The following RBFOX1 variants were observed in gnomAD, a reference collection of about 807,000 sequenced individuals.
The protein encoded by RBFOX1 is RNA binding fox-1 homolog 1.
In RBFOX1, 8 loss-of-function variants were observed where a neutral mutation model predicts 57.7. That is an observed-to-expected ratio of 0.14 (90% confidence interval 0.08 to 0.25). The LOEUF is 0.25. Among genes scored for constraint, RBFOX1 ranks in the 10% least tolerant of loss-of-function variants. The pLI, the probability that RBFOX1 is intolerant of heterozygous loss-of-function variation, is 1.00. For missense variants in RBFOX1, 611 were observed against 548.5 expected, an observed-to-expected ratio of 1.11 and a Z score of -1.14; for synonymous variants, 326 against 222.4, an observed-to-expected ratio of 1.47 and a Z score of -4.15.
chr16:7,590,449 G>C (rs980161187), intron 7 of RBFOX1, among the ~76,000 whole-genome samples: 1 of 152,060 alleles, frequency 6.6e-6, no homozygotes, highest in African/African-American at 2.4e-5. Context: ...GCATTTAGGG[G>C]CGAATGATCC....
At chr16:6,007,041 C>T (rs766156972) in intron 4 of RBFOX1, among the ~76,000 whole-genome samples, 28 of 152,134 alleles carry the variant, frequency 1.8e-4, no homozygotes, top group Non-Finnish European at 3.4e-4. Flanking sequence ...TCTTCCGTAT[C>T]TCTGCCATCC....
intron 3 of RBFOX1, among the ~76,000 whole-genome samples, chr16:5,735,235 C>A (rs1237993916): frequency 1.3e-5 from 2 of 152,138 alleles, no homozygotes; most frequent in Non-Finnish European, 2.9e-5. Context: ...GGGTCAGGAC[C>A]CTCCATGGGC....
chr16:6,597,112 G>A (rs530182277), intron 2 of RBFOX1, among the ~76,000 whole-genome samples: 15 of 152,192 alleles, frequency 9.9e-5, no homozygotes, highest in Non-Finnish European at 1.8e-4. Flanking sequence ...TCTTTTTCTG[G>A]AGAAATTACA....
chr16:5,793,178 A>G (rs1055784451), intron 3 of RBFOX1, among the ~76,000 whole-genome samples: 4 of 152,086 alleles, frequency 2.6e-5, no homozygotes, highest in Non-Finnish European at 5.9e-5. Flanking sequence ...CTAAACTTGC[A>G]CTTCAGCCTC....
intron 3 of RBFOX1, among the ~76,000 whole-genome samples, chr16:5,825,563 A>C (rs912637697): frequency 2.1e-4 from 32 of 152,298 alleles, no homozygotes; most frequent in African/African-American, 7.2e-4. Context: ...TTTATGGTAA[A>C]AACCATGTAA....
chr16:7,379,714 A>ATTCC (rs890243296), intron 4 of RBFOX1, among the ~76,000 whole-genome samples: 1 of 146,634 alleles, frequency 6.8e-6, no homozygotes, highest in African/African-American at 2.5e-5. Flanking sequence ...AACTACAGGA[A>ATTCC]TTCCTTCCTT....
intron 3 of RBFOX1, among the ~76,000 whole-genome samples, chr16:5,644,924 G>A (rs1041059666): frequency 8.6e-5 from 13 of 152,004 alleles, no homozygotes; most frequent in Admixed American, 5.9e-4. Context: ...TGAAACGCTC[G>A]CACATGCCAT....
chr16:5,929,999 G>C (rs1239488496), intron 4 of RBFOX1, among the ~76,000 whole-genome samples: 1 of 151,898 alleles, frequency 6.6e-6, no homozygotes, highest in Non-Finnish European at 1.5e-5. Flanking sequence ...CTACGAAGCA[G>C]GTGTGAGTGA....
At position 7,590,670 on chromosome 16, in the gene RBFOX1, A is replaced by T. The variant is rs527776137; in HGVS notation, c.468+3370A>T. On this transcript the variant is annotated intron_variant, in intron 7 of 15. Coordinates refer to ENST00000550418, the MANE Select transcript of RBFOX1 (RefSeq NM_018723.4). ...AGGTCAGGAGTTCGAGACCAGCCTGACCAACATGGAGAAACCTTGTCTTGA... is the reference window on the plus strand; with the variant it reads ...AGGTCAGGAGTTCGAGACCAGCCTGTCCAACATGGAGAAACCTTGTCTTGA... Among the ~76,000 whole-genome samples the T allele has an allele frequency of 1.3e-4, 19 of 151,844 alleles. 1 individual carries two copies. In the South Asian group the frequency reaches 2.3e-3, roughly 18 times the overall value.
intron 14 of RBFOX1, among the ~76,000 whole-genome samples, chr16:7,708,468 A>G (rs2083219813): frequency 6.6e-6 from 1 of 151,264 alleles, no homozygotes; most frequent in South Asian, 2.1e-4. Context: ...AAGTTCTGGA[A>G]TAATAGGATC....
chr16:5,392,816 G>A lies in RBFOX1; in HGVS notation c.220-74400G>A, dbSNP rs534128747. Among the ~76,000 whole-genome samples, 6 of 152,274 alleles carry A rather than the reference G, an allele frequency of 3.9e-5. No homozygotes were observed. In the East Asian group the frequency reaches 1.2e-3, roughly 29 times the overall value. On this transcript the variant is annotated intron_variant, in intron 1 of 2. Coordinates refer to the RBFOX1 transcript ENST00000585867. The stretch of plus-strand genomic sequence containing the variant: ...ACACTCGCCCCTGACCCTGTGGGCA[G>A]CAGGAGCACCTCAGGGACCACACAG...
intron 4 of RBFOX1, among the ~76,000 whole-genome samples, chr16:5,985,992 A>G (rs947627142): frequency 2.6e-5 from 4 of 151,920 alleles, no homozygotes; most frequent in Admixed American, 1.3e-4. Context: ...CATTTATTTT[A>G]TAGAAACAAT....
intron 1 of RBFOX1, among the ~76,000 whole-genome samples, chr16:5,313,056 G>T (rs567239319): frequency 6.6e-6 from 1 of 152,106 alleles, no homozygotes; most frequent in African/African-American, 2.4e-5. Flanking sequence ...TTTGTGCCAT[G>T]TGCTGTCCTG....
chr16:5,553,388 T>A (rs2151088046), intron 2 of RBFOX1, among the ~76,000 whole-genome samples: 1 of 151,734 alleles, frequency 6.6e-6, no homozygotes, highest in Admixed American at 6.6e-5. Context: ...CAATCTCAGC[T>A]CACTGCACAC....
chr16:6,569,238 G>C (rs2097310298), intron 2 of RBFOX1, among the ~76,000 whole-genome samples: 1 of 152,070 alleles, frequency 6.6e-6, no homozygotes, highest in Non-Finnish European at 1.5e-5. Flanking sequence ...TACTGTGTAA[G>C]AAATTACTCC....
chr16:7,257,984 G>A (rs558915256), intron 4 of RBFOX1, among the ~76,000 whole-genome samples: 1 of 152,166 alleles, frequency 6.6e-6, no homozygotes, highest in Admixed American at 6.5e-5. Context: ...AAGGAATTCT[G>A]TATCGACACA....
intron 2 of RBFOX1, among the ~76,000 whole-genome samples, chr16:6,563,775 G>A (rs747691598): frequency 5.3e-5 from 8 of 151,982 alleles, no homozygotes; most frequent in South Asian, 2.1e-4. Context: ...GCAGTGAGCT[G>A]AGACTGAGCC....
intron 3 of RBFOX1, among the ~76,000 whole-genome samples, chr16:5,681,562 T>C (rs1486797944): frequency 6.6e-6 from 1 of 151,416 alleles, no homozygotes; most frequent in Non-Finnish European, 1.5e-5. Flanking sequence ...CTAATTTTTT[T>C]TTGCATTTTT....
At chr16:6,664,437 A>G (rs2098719601) in intron 3 of RBFOX1, among the ~76,000 whole-genome samples, 1 of 152,116 alleles carries the variant, frequency 6.6e-6, no homozygotes, top group Non-Finnish European at 1.5e-5. Context: ...GCGTCAGCAA[A>G]TCATCTTGTA....
Sources: allele counts gnomAD v4.1 joint callset (sites outside exome capture counted in the v4.1 genomes callset), GRCh38; gene constraint gnomAD v4.1.1; transcripts MANE v1.5; gene names NCBI Gene and HGNC (gene_info 2026-07-23, HGNC 2026-07-21).